CSMD1: variants seen among roughly 807,000 people sequenced by gnomAD.
CSMD1 encodes the protein CUB and Sushi multiple domains 1, also known as CUB and sushi domain-containing protein 1.
In CSMD1, 213 loss-of-function variants were observed where a neutral mutation model predicts 417.5. The observed-to-expected ratio is 0.51, with a 90% confidence interval of 0.46 to 0.57. CSMD1 has a LOEUF of 0.57. CSMD1 is among the 20% of genes least tolerant of loss of function. CSMD1 has a pLI of 0.00. For synonymous variants in CSMD1, 2,862 were observed against 1,736.8 expected (o/e 1.65, Z -16.11); for missense variants, 6,923 against 4,529.7 (o/e 1.53, Z -15.17).
intron 29 of CSMD1, among the ~76,000 whole-genome samples, chr8:3,217,010 A>C (rs905288010): frequency 2.6e-5 from 4 of 152,170 alleles, no homozygotes; most frequent in Non-Finnish European, 5.9e-5. Flanking sequence ...ATGCAATGGC[A>C]TCATTTCTCC....
chr8:4,232,898 G>T (rs145482213), intron 3 of CSMD1, among the ~76,000 whole-genome samples: 14 of 152,232 alleles, frequency 9.2e-5, no homozygotes, highest in Non-Finnish European at 1.8e-4. Flanking sequence ...AGGAGGAAAA[G>T]GATATTGAAA....
chr8:3,148,400 A>C (rs1818979004), intron 40 of CSMD1, among the ~76,000 whole-genome samples: 1 of 152,208 alleles, frequency 6.6e-6, no homozygotes, highest in Non-Finnish European at 1.5e-5. Context: ...AGAGAAACAA[A>C]AATGAGCTGT....
intron 12 of CSMD1, among the ~76,000 whole-genome samples, chr8:3,437,567 G>A (rs112688189): frequency 6.6e-6 from 1 of 152,172 alleles, no homozygotes; most frequent in African/African-American, 2.4e-5. Flanking sequence ...AAACTGGACT[G>A]CAGGAGCCCA....
intron 33 of CSMD1, among the ~76,000 whole-genome samples, chr8:3,198,003 G>C (rs971069988): frequency 1.3e-5 from 2 of 152,134 alleles, no homozygotes; most frequent in African/African-American, 4.8e-5. Context: ...AAAATATTGA[G>C]GATGTTAGAG....
intron 5 of CSMD1, among the ~76,000 whole-genome samples, chr8:3,814,691 G>A (rs1197701201): frequency 6.6e-6 from 1 of 152,108 alleles, no homozygotes; most frequent in African/African-American, 2.4e-5. Flanking sequence ...CATTAGCTTA[G>A]CCCTCTGGTG....
intron 3 of CSMD1, among the ~76,000 whole-genome samples, chr8:4,041,180 C>A (rs931297225): frequency 6.6e-5 from 10 of 151,854 alleles, no homozygotes; most frequent in Non-Finnish European, 1.3e-4. Flanking sequence ...CCACGCCCGG[C>A]TAATTTTTTT....
At chr8:4,901,505 T>G (rs1804867898) in intron 1 of CSMD1, among the ~76,000 whole-genome samples, 1 of 151,774 alleles carries the variant, frequency 6.6e-6, no homozygotes, top group Middle Eastern at 3.4e-3. Flanking sequence ...TCCATCTTTG[T>G]GAGCTTAAAA....
At chr8:4,872,229 C>T (rs1802775531) in intron 1 of CSMD1, among the ~76,000 whole-genome samples, 1 of 152,002 alleles carries the variant, frequency 6.6e-6, no homozygotes, top group Admixed American at 6.6e-5. Context: ...GTTGGGACGA[C>T]AATATTTACT....
At chr8:3,836,563 G>C (rs1010836036) in intron 5 of CSMD1, among the ~76,000 whole-genome samples, 1 of 152,076 alleles carries the variant, frequency 6.6e-6, no homozygotes, top group African/African-American at 2.4e-5. Context: ...GAAAAGTGGT[G>C]ATATTGAAGC....
At chr8:4,408,775 C>T (rs1796483034) in intron 3 of CSMD1, among the ~76,000 whole-genome samples, 1 of 152,172 alleles carries the variant, frequency 6.6e-6, no homozygotes, top group Non-Finnish European at 1.5e-5. Flanking sequence ...CATCAGCTGC[C>T]ATTTTTCTGG....
chr8:3,807,279 A>G (rs1800797170), intron 5 of CSMD1, among the ~76,000 whole-genome samples: 1 of 152,172 alleles, frequency 6.6e-6, no homozygotes, highest in Non-Finnish European at 1.5e-5. Context: ...AACTTAAGCA[A>G]CCTATACCGC....
chr8:4,443,581 T>A (rs1026889183), intron 2 of CSMD1, among the ~76,000 whole-genome samples: 3 of 151,768 alleles, frequency 2.0e-5, no homozygotes, highest in Admixed American at 1.3e-4. Context: ...ATGAATAATA[T>A]GCATTTGCTT....
intron 17 of CSMD1, among the ~76,000 whole-genome samples, chr8:3,391,038 T>G (rs577531199): frequency 1.3e-5 from 2 of 152,336 alleles, no homozygotes; most frequent in South Asian, 2.1e-4. Context: ...CTCTCATGTA[T>G]GCATCCATGC....
At chr8:3,879,257 T>C (rs1806047054) in intron 5 of CSMD1, among the ~76,000 whole-genome samples, 1 of 152,194 alleles carries the variant, frequency 6.6e-6, no homozygotes, top group Non-Finnish European at 1.5e-5. Context: ...GATTGTATAT[T>C]ACATACTGTT....
intron 5 of CSMD1, among the ~76,000 whole-genome samples, chr8:3,756,838 C>G (rs903706831): frequency 6.6e-6 from 1 of 152,048 alleles, no homozygotes; most frequent in Non-Finnish European, 1.5e-5. Context: ...CTCTTTCACG[C>G]AGGCTGGAGT....
At chr8:4,506,756 T>C (rs1268813123) in intron 2 of CSMD1, among the ~76,000 whole-genome samples, 1 of 152,208 alleles carries the variant, frequency 6.6e-6, no homozygotes, top group Non-Finnish European at 1.5e-5. Context: ...TATGGTTAAA[T>C]AAGCATAAAT....
At chr8:3,898,613 C>T (rs1205224753) in intron 5 of CSMD1, among the ~76,000 whole-genome samples, 1 of 152,148 alleles carries the variant, frequency 6.6e-6, no homozygotes, top group Non-Finnish European at 1.5e-5. Flanking sequence ...TGAATGTTTA[C>T]TAAATCAAAG....
intron 1 of CSMD1, among the ~76,000 whole-genome samples, chr8:4,727,436 T>C (rs924745716): frequency 6.6e-6 from 1 of 152,194 alleles, no homozygotes; most frequent in Admixed American, 6.5e-5. Flanking sequence ...CCTGGAATTA[T>C]GCGTAAGATA....
At chr8:3,141,368 G>C (rs754068641) in intron 41 of CSMD1, among the ~76,000 whole-genome samples, 5 of 152,164 alleles carry the variant, frequency 3.3e-5, no homozygotes, top group Non-Finnish European at 5.9e-5. Context: ...GACATAGATT[G>C]AATTAATTTG....
Sources: gnomAD v4.1 joint callset for allele counts (sites outside exome capture counted in the v4.1 genomes callset) on GRCh38, gnomAD v4.1.1 for gene constraint, MANE v1.5 for transcripts, NCBI Gene and HGNC (gene_info 2026-07-23, HGNC 2026-07-21) for gene names.